Variants in SMYD3 observed in about 807,000 individuals in gnomAD.
SMYD3 encodes SET and MYND domain containing 3, also known as histone-lysine N-methyltransferase SMYD3.
Under a neutral mutation model 57.7 loss-of-function variants are expected in SMYD3, and 36 were observed. The observed-to-expected ratio is 0.62, with a 90% CI of 0.48 to 0.82. SMYD3 has a LOEUF of 0.82. Among genes scored for constraint, SMYD3 ranks in the 40% least tolerant of loss-of-function variants. The pLI, the probability that SMYD3 is intolerant of heterozygous loss-of-function variation, is 0.00. For synonymous variants in SMYD3, 211 were observed against 195.0 expected (o/e 1.08, Z -0.68); for missense variants, 515 against 538.8 (o/e 0.96, Z 0.44).
At chr1:246,381,355 A>G (rs1173083393) in intron 1 of SMYD3, among the ~76,000 whole-genome samples, 1 of 152,248 alleles carries the variant, frequency 6.6e-6, no homozygotes, top group African/African-American at 2.4e-5. Flanking sequence ...AAAACCTATT[A>G]TGATACCTGA....
chr1:245,857,267 T>C (rs2148473624), intron 10 of SMYD3, among the ~76,000 whole-genome samples: 1 of 152,296 alleles, frequency 6.6e-6, no homozygotes, highest in Middle Eastern at 3.4e-3. Flanking sequence ...TGGTGGAGCC[T>C]CTGCCGTCTT....
chr1:245,801,363 C>G (rs2047852260), intron 10 of SMYD3, among the ~76,000 whole-genome samples: 1 of 152,234 alleles, frequency 6.6e-6, no homozygotes, highest in Non-Finnish European at 1.5e-5. Context: ...GTGCATCCCT[C>G]TGGCCTGGAG....
intron 5 of SMYD3, among the ~76,000 whole-genome samples, chr1:246,191,324 G>A (rs1250909786): frequency 6.6e-6 from 1 of 152,166 alleles, no homozygotes; most frequent in Admixed American, 6.5e-5. Context: ...ATCACCGCAA[G>A]CTAGAGTGAA....
At chr1:246,223,456 C>T (rs964725895) in intron 5 of SMYD3, among the ~76,000 whole-genome samples, 10 of 152,132 alleles carry the variant, frequency 6.6e-5, no homozygotes, top group African/African-American at 2.2e-4. Flanking sequence ...AAAATTCAGA[C>T]ACCTTCCAAT....
chr1:246,189,357 C>A (rs955715652), intron 5 of SMYD3, among the ~76,000 whole-genome samples: 1 of 152,194 alleles, frequency 6.6e-6, no homozygotes, highest in African/African-American at 2.4e-5. Context: ...CAAAGCTACT[C>A]AGGAAGCAAG....
At chr1:246,255,297 CTTATTATTTGATGGATCTTA>C (rs2063863409) in intron 5 of SMYD3, among the ~76,000 whole-genome samples, 1 of 115,418 alleles carries the variant, frequency 8.7e-6, no homozygotes, top group Middle Eastern at 4.2e-3. Context: ...TTTGATGGAT[CTTATTATTTGATGGATCTTA>C]TTATAATAAT....
chr1:246,105,870 A>G (rs1462127607), intron 5 of SMYD3, among the ~76,000 whole-genome samples: 1 of 152,242 alleles, frequency 6.6e-6, no homozygotes, highest in Non-Finnish European at 1.5e-5. Context: ...ACTCATTTCC[A>G]AAACATCCAC....
At chr1:246,255,275 G>A (rs1259432092) in intron 5 of SMYD3, among the ~76,000 whole-genome samples, 1 of 150,854 alleles carries the variant, frequency 6.6e-6, no homozygotes, top group East Asian at 1.9e-4. Flanking sequence ...TGTCATAGAT[G>A]GATCTTATTA....
At chr1:245,807,813 G>GAAAAAAAA (rs35324111) in intron 10 of SMYD3, among the ~76,000 whole-genome samples, 1 of 111,704 alleles carries the variant, frequency 9.0e-6, no homozygotes, top group Non-Finnish European at 1.9e-5. Flanking sequence ...ATTTCCCAGG[G>GAAAAAAAA]AAAAAAAAAA....
intron 1 of SMYD3, among the ~76,000 whole-genome samples, chr1:246,471,254 G>A (rs555603173): frequency 2.0e-4 from 31 of 151,964 alleles, no homozygotes; most frequent in South Asian, 1.2e-3. Context: ...GCTGAAGTGC[G>A]GCTGTATGAT....
In SMYD3 at chr1:246,116,414, C is replaced by T. The variant is rs376753569; in HGVS notation, c.532-186477G>A. Among the ~76,000 whole-genome samples, 11 of 152,314 alleles carry T rather than the reference C, an allele frequency of 7.2e-5. No homozygotes were observed. In the East Asian group the frequency reaches 1.4e-3, roughly 19 times the overall value. On this transcript the variant is annotated intron_variant, in intron 5 of 11. Transcript: ENST00000490107. ...TAAATTTATCAAAATATAAAACACA[C>T]ATAATGGATTTGGAACAGAACTGCA...
At chr1:246,149,023 G>T (rs2061900683) in intron 5 of SMYD3, among the ~76,000 whole-genome samples, 1 of 152,230 alleles carries the variant, frequency 6.6e-6, no homozygotes, top group African/African-American at 2.4e-5. Context: ...AATGCAGTTA[G>T]AGACAAGGAG....
At chr1:245,765,055 C>CAG (rs1237159305) in intron 10 of SMYD3, among the ~76,000 whole-genome samples, 1 of 138,556 alleles carries the variant, frequency 7.2e-6, no homozygotes. Flanking sequence ...TACACACACA[C>CAG]ACACACACAC....
At chr1:245,901,968 A>G (rs10754485) in intron 8 of SMYD3, among the ~76,000 whole-genome samples, 151,697 of 152,216 alleles carry the variant, frequency 1, 75,598 homozygotes, top group Middle Eastern at 1. Context: ...AATTGTTCCC[A>G]AGGGCATTCA....
At chr1:246,442,147 C>T (rs2067480013) in intron 1 of SMYD3, among the ~76,000 whole-genome samples, 1 of 152,164 alleles carries the variant, frequency 6.6e-6, no homozygotes. Context: ...GGAGGTGTTA[C>T]TTGAGTCATA....
At chr1:246,267,668 T>C (rs1290524303) in intron 5 of SMYD3, among the ~76,000 whole-genome samples, 3 of 152,216 alleles carry the variant, frequency 2.0e-5, no homozygotes, top group South Asian at 2.1e-4. Flanking sequence ...ATTGTGCTTA[T>C]ATATTGTCAG....
chr1:246,186,654 C>G lies in SMYD3; in HGVS notation c.531+140547G>C, dbSNP rs12565193. 7 of 720,046 alleles carry G rather than the reference C, an allele frequency of 9.7e-6. No homozygotes were observed. The African/African-American group carries it at 1.3e-4, about 14-fold the overall frequency. 44.6% of individuals were successfully genotyped at this position (720,046 alleles called of 1,614,324 possible). A position where few individuals can be genotyped will look rare whatever the true frequency, so the allele number is the denominator to read the frequency against. On this transcript the variant is annotated intron_variant, in intron 5 of 11. Coordinates refer to ENST00000490107, the MANE Select transcript of SMYD3 (RefSeq NM_001167740.2). ...AGTTCATTTCATATCAGCCCCAAAA[C>G]TAAGAGACAATGAAAACTTGACCTG...
intron 10 of SMYD3, among the ~76,000 whole-genome samples, chr1:245,798,767 T>C (rs2047712849): frequency 1.3e-5 from 2 of 152,114 alleles, no homozygotes; most frequent in South Asian, 2.1e-4. Flanking sequence ...TCTTATGTTG[T>C]TTGAATCTCT....
In SMYD3 at chr1:245,918,028, T is replaced by C. The variant is rs75535888; in HGVS notation, c.703-2388A>G. On this transcript the variant is annotated intron_variant, in intron 7 of 11. Transcript: ENST00000490107. ...GGACTCTCTCAAGCTGTAGGGGTGA[T>C]GGTGGATGGCTGGGCTGGCCAGCCA... Among the ~76,000 whole-genome samples, 387 of 152,196 alleles carry C rather than the reference T, an allele frequency of 2.5e-3. 2 individuals are homozygous for C. The highest frequency in any genetic ancestry group is 6.8e-3 in the Middle Eastern group (2 of 294).
Sources: gnomAD v4.1 joint callset for allele counts (sites outside exome capture counted in the v4.1 genomes callset) on GRCh38, gnomAD v4.1.1 for gene constraint, MANE v1.5 for transcripts, NCBI Gene and HGNC (gene_info 2026-07-23, HGNC 2026-07-21) for gene names.